The following BUB1B variants were observed in gnomAD, a reference collection of about 807,000 sequenced individuals.
BUB1B encodes the protein mitotic checkpoint serine/threonine-protein kinase BUB1 beta.
BUB1B carries 86 observed loss-of-function variants against 137.7 expected under a neutral mutation model. That is an observed-to-expected ratio of 0.62 (90% CI 0.52 to 0.75). The LOEUF (loss-of-function observed/expected upper bound fraction) is 0.75, where lower values mean the gene tolerates loss of function less well. BUB1B is among the 30% of genes least tolerant of loss of function. The pLI, the probability that BUB1B is intolerant of heterozygous loss-of-function variation, is 0.00. For synonymous variants in BUB1B, 420 were observed against 417.9 expected (o/e 1.00, Z -0.06); for missense variants, 1,130 against 1,236.9 (o/e 0.91, Z 1.30).
chr15:40,214,246 G>A (rs949695475), intron 20 of BUB1B, among the ~76,000 whole-genome samples: 2 of 152,196 alleles, frequency 1.3e-5, no homozygotes, highest in Non-Finnish European at 2.9e-5. Context: ...ATGGGGTTTA[G>A]TGTTCAAATT....
chr15:40,194,214 A>G lies in BUB1B; in HGVS notation c.1059-2331A>G, dbSNP rs117200367. 5.7e-3 allele frequency among the ~76,000 whole-genome samples: 874 copies of G among 152,104 alleles called. 8 individuals carry two copies. Among genetic ancestry groups the G allele is most frequent in the Non-Finnish European group, 7.1e-3 (484 of 67,964 alleles). On this transcript the variant is annotated intron_variant, in intron 8 of 22. Transcript: ENST00000287598. ...AATGGGTAAAATAGGTTGATTTTGT[A>G]TACTGATCTTGTATTCTTTGACTTT...
At chr15:40,220,508 G>A in intron 22 of BUB1B, 56 bp from the exon 23 acceptor site, 2 of 1,579,812 alleles carry the variant, frequency 1.3e-6, no homozygotes, top group Non-Finnish European at 8.7e-7. Context: ...TAAACTAAAA[G>A]GAATTATAAT....
At chr15:40,169,703 TC>T (rs1443457821) in intron 2 of BUB1B, among the ~76,000 whole-genome samples, 3 of 150,982 alleles carry the variant, frequency 2.0e-5, no homozygotes, top group African/African-American at 7.3e-5. Flanking sequence ...AGCCTCTACT[TC>T]CAGGTTCAAG....
intron 12 of BUB1B, among the ~76,000 whole-genome samples, chr15:40,201,912 G>A (rs773164585): frequency 6.6e-6 from 1 of 151,868 alleles, no homozygotes; most frequent in East Asian, 1.9e-4. Flanking sequence ...CTCGTGATCC[G>A]CCCACCATGG....
intron 2 of BUB1B, among the ~76,000 whole-genome samples, chr15:40,167,951 G>C (rs1485134771): frequency 6.6e-6 from 1 of 152,042 alleles, no homozygotes; most frequent in Non-Finnish European, 1.5e-5. Flanking sequence ...AAGTCCAGCA[G>C]AGTGAGTTCT....
chr15:40,217,625 G>T lies in BUB1B; in HGVS notation c.2808G>T (p.Leu936=). Residue 936 remains leucine, a synonymous_variant, in exon 21 of 23, where the codon CTG becomes CTT. Coordinates refer to ENST00000287598, the MANE Select transcript of BUB1B (RefSeq NM_001211.6). ...TLSGFRTVQI[L]EGQKILANCS... is the part of the protein sequence containing the mutation. ...GCGGCTTTCGGACTGTACAGATCCT[G>T]GAAGGACAAAAGATCCTGGCTAACT... The T allele has an allele frequency of 1.2e-6, 2 of 1,614,188 alleles. No individual in the cohort carries two copies. Among genetic ancestry groups the T allele is most frequent in the Non-Finnish European group, 1.7e-6 (2 of 1,180,030 alleles).
intron 8 of BUB1B, among the ~76,000 whole-genome samples, chr15:40,194,361 T>G (rs2140897111): frequency 6.6e-6 from 1 of 152,372 alleles, no homozygotes; most frequent in Admixed American, 6.5e-5. Context: ...CTAGAACTTC[T>G]AGTACAGTGT....
intron 20 of BUB1B, among the ~76,000 whole-genome samples, chr15:40,216,565 ATATATATTT>A (rs1479842785): frequency 1.3e-5 from 1 of 78,688 alleles, no homozygotes; most frequent in Non-Finnish European, 2.2e-5. Context: ...ATATATATAT[ATATATATTT>A]TTTTTTTTTT....
chr15:40,216,517 G>C (rs1170410240), intron 20 of BUB1B, among the ~76,000 whole-genome samples: 1 of 139,650 alleles, frequency 7.2e-6, no homozygotes, highest in Non-Finnish European at 1.5e-5. Context: ...ATATATATCA[G>C]AATCCACGAT....
intron 5 of BUB1B, among the ~76,000 whole-genome samples, chr15:40,179,045 T>C (rs2037253706): frequency 2.6e-5 from 4 of 152,158 alleles, no homozygotes; most frequent in Admixed American, 2.6e-4. Flanking sequence ...CAACCACTAC[T>C]CTGCTTTTTG....
intron 15 of BUB1B, 99 bp from the exon 16 acceptor site, chr15:40,208,538 C>T: frequency 7.8e-7 from 1 of 1,282,848 alleles, no homozygotes; most frequent in South Asian, 1.3e-5. Context: ...AACTCCATCT[C>T]AAAAAAAAGA....
chr15:40,218,390 C>A (rs1257458734), intron 21 of BUB1B, 66 bp from the exon 22 acceptor site: 2 of 1,209,778 alleles, frequency 1.7e-6, no homozygotes, highest in African/African-American at 3.0e-5. Context: ...CAACTTCCTA[C>A]CGAAATAAGC....
At chr15:40,218,063 A>G (rs921916097) in intron 21 of BUB1B, among the ~76,000 whole-genome samples, 5 of 152,256 alleles carry the variant, frequency 3.3e-5, no homozygotes, top group South Asian at 2.1e-4. Flanking sequence ...AGTCTTTTGT[A>G]TGGTGGCATT....
At chr15:40,206,751 T>C (rs1390965694) in intron 15 of BUB1B, among the ~76,000 whole-genome samples, 1 of 152,128 alleles carries the variant, frequency 6.6e-6, no homozygotes. Flanking sequence ...AAAGGAGGCA[T>C]TTAGTTTTTC....
intron 2 of BUB1B, among the ~76,000 whole-genome samples, chr15:40,169,276 G>GT (rs1566815732): frequency 6.6e-6 from 1 of 151,760 alleles, no homozygotes; most frequent in Admixed American, 6.6e-5. Context: ...ACCCATGGAA[G>GT]TTTTTTTTGA....
Position 40,206,286 on chromosome 15 carries a change from A to AGAGCAGCTCG in BUB1B, c.1838_1847dup (p.Phe617SerfsTer11), listed in dbSNP as rs1278302264. 6.2e-7 allele frequency: 1 copy of AGAGCAGCTCG among 1,614,070 alleles called. No homozygotes were observed. Among genetic ancestry groups the AGAGCAGCTCG allele is most frequent in the Non-Finnish European group, 8.5e-7 (1 of 1,180,040 alleles). On this transcript the variant is annotated frameshift_variant, in exon 15 of 23. Transcript: ENST00000287598. LOFTEE classifies it high-confidence loss of function. ...CCCAGAAGACACTTGTGACTTTGCC[A>AGAGCAGCTCG]GAGCAGCTCGTTTTGTATCCACTCC...
At chr15:40,185,048 T>A in intron 6 of BUB1B, 117 bp from the exon 7 acceptor site, 1 of 770,582 alleles carries the variant, frequency 1.3e-6, no homozygotes, top group Non-Finnish European at 2.1e-6. Context: ...TTTCTTTTTT[T>A]TTTTCTGTTG....
intron 5 of BUB1B, among the ~76,000 whole-genome samples, chr15:40,177,749 T>G (rs1405188962): frequency 6.6e-6 from 1 of 151,908 alleles, no homozygotes; most frequent in Non-Finnish European, 1.5e-5. Flanking sequence ...GGATTTTGAT[T>G]AGGATTATAC....
intron 5 of BUB1B, 21 bp downstream of exon 5, chr15:40,176,694 G>C: frequency 1.2e-6 from 2 of 1,608,988 alleles, no homozygotes; most frequent in Non-Finnish European, 1.7e-6. Flanking sequence ...TTTGGAGCTT[G>C]TCTTAACTCT....
Sources: allele counts gnomAD v4.1 joint callset (sites outside exome capture counted in the v4.1 genomes callset), GRCh38; gene constraint gnomAD v4.1.1; transcripts MANE v1.5; gene names NCBI Gene and HGNC (gene_info 2026-07-23, HGNC 2026-07-21).